The following CCSER1 variants were observed in gnomAD, a reference collection of about 807,000 sequenced individuals.
The protein encoded by CCSER1 is coiled-coil serine rich protein 1, also known as serine-rich coiled-coil domain-containing protein 1.
Under a neutral mutation model 82.0 loss-of-function variants are expected in CCSER1, and 41 were observed. That is an observed-to-expected ratio of 0.50 (90% CI 0.39 to 0.65). CCSER1 has a LOEUF of 0.65. Ranked by LOEUF, CCSER1 falls within the 30% of genes least tolerant of loss-of-function variation. The pLI is 0.00. For missense variants in CCSER1, 1,119 were observed against 1,064.2 expected (o/e 1.05, Z -0.72); for synonymous variants, 414 against 383.9 (o/e 1.08, Z -0.92).
intron 7 of CCSER1, among the ~76,000 whole-genome samples, chr4:90,726,825 C>A (rs1743724524): frequency 6.6e-6 from 1 of 151,500 alleles, no homozygotes. Context: ...AATCTGGAAA[C>A]TTTGTGGATC....
intron 7 of CCSER1, among the ~76,000 whole-genome samples, chr4:90,750,196 T>G (rs929851816): frequency 6.6e-6 from 1 of 152,040 alleles, no homozygotes; most frequent in African/African-American, 2.4e-5. Flanking sequence ...ATATTAGCCC[T>G]TTGTCAGATG....
intron 10 of CCSER1, among the ~76,000 whole-genome samples, chr4:91,300,883 A>G (rs1485684955): frequency 1.3e-5 from 2 of 151,916 alleles, no homozygotes; most frequent in African/African-American, 4.8e-5. Context: ...TTTCAGATAC[A>G]TTCCAGAAGT....
intron 1 of CCSER1, among the ~76,000 whole-genome samples, chr4:90,222,973 A>ATG (rs984680181): frequency 2.0e-5 from 3 of 152,066 alleles, no homozygotes; most frequent in African/African-American, 4.8e-5. Flanking sequence ...GTATGTATAT[A>ATG]TGTGTGTGTG....
At chr4:90,410,323 T>C (rs147676841) in intron 4 of CCSER1, among the ~76,000 whole-genome samples, 3,654 of 152,212 alleles carry the variant, frequency 0.024, 128 homozygotes, top group African/African-American at 0.082. Flanking sequence ...ATCAACAGAA[T>C]ATACATTCTT....
intron 9 of CCSER1, among the ~76,000 whole-genome samples, chr4:90,948,204 C>A (rs1322371496): frequency 6.6e-6 from 1 of 151,762 alleles, no homozygotes; most frequent in African/African-American, 2.4e-5. Context: ...CATTGTACAA[C>A]AATAGTTAGG....
At chr4:91,460,571 A>T (rs1756448100) in intron 10 of CCSER1, among the ~76,000 whole-genome samples, 1 of 152,162 alleles carries the variant, frequency 6.6e-6, no homozygotes, top group Non-Finnish European at 1.5e-5. Context: ...GATGGTGATG[A>T]TGATGATAAT....
At chr4:90,339,037 G>T (rs1183399517) in intron 3 of CCSER1, among the ~76,000 whole-genome samples, 1 of 152,050 alleles carries the variant, frequency 6.6e-6, no homozygotes, top group Non-Finnish European at 1.5e-5. Flanking sequence ...AAGGTTTGTT[G>T]TAGTTTTCAT....
At chr4:91,189,266 C>A (rs995042358) in intron 10 of CCSER1, among the ~76,000 whole-genome samples, 1 of 151,998 alleles carries the variant, frequency 6.6e-6, no homozygotes, top group Non-Finnish European at 1.5e-5. Context: ...GTTACCTTTT[C>A]TTTATTTGAT....
At position 91,548,092 on chromosome 4, in the gene CCSER1, T is replaced by G. The variant is rs189651436; in HGVS notation, c.2218-50480T>G. Among the ~76,000 whole-genome samples, 4 of 152,224 alleles carry G rather than the reference T, an allele frequency of 2.6e-5. No individual in the cohort carries two copies. The East Asian group carries it at 7.7e-4, about 29-fold the overall frequency. ...GCGTGAGCCACTGCGCCTGGCCCTT[T>G]TATGGTTTTGAGTGTTATATATTGC... On this transcript the variant is annotated intron_variant, in intron 10 of 10. Coordinates refer to ENST00000509176, the MANE Select transcript of CCSER1 (RefSeq NM_001145065.2).
intron 5 of CCSER1, among the ~76,000 whole-genome samples, chr4:90,506,847 C>T (rs182815316): frequency 1.6e-3 from 242 of 151,986 alleles, no homozygotes; most frequent in African/African-American, 5.6e-3. Context: ...AGGTTCTATG[C>T]TACATTCTAT....
intron 8 of CCSER1, among the ~76,000 whole-genome samples, chr4:90,915,912 C>T (rs1727309046): frequency 6.6e-6 from 1 of 152,028 alleles, no homozygotes; most frequent in Admixed American, 6.6e-5. Flanking sequence ...CTCCCATTCA[C>T]AATTGCTTCA....
chr4:90,275,860 G>A (rs533703750), intron 1 of CCSER1, among the ~76,000 whole-genome samples: 12 of 152,190 alleles, frequency 7.9e-5, no homozygotes, highest in African/African-American at 2.2e-4. Flanking sequence ...TAAGGTTAAC[G>A]AAATTCAGCA....
intron 7 of CCSER1, among the ~76,000 whole-genome samples, chr4:90,807,866 C>T (rs540840187): frequency 6.6e-5 from 10 of 151,966 alleles, no homozygotes; most frequent in African/African-American, 9.7e-5. Context: ...AATACCCCAA[C>T]GTCATTTTTT....
intron 10 of CCSER1, among the ~76,000 whole-genome samples, chr4:91,397,232 G>C (rs898778062): frequency 6.6e-6 from 1 of 151,948 alleles, no homozygotes; most frequent in Non-Finnish European, 1.5e-5. Flanking sequence ...TATCAATTCT[G>C]TGCCAGTTAC....
At chr4:91,487,889 G>A (rs1023752224) in intron 10 of CCSER1, among the ~76,000 whole-genome samples, 2 of 151,780 alleles carry the variant, frequency 1.3e-5, no homozygotes, top group Non-Finnish European at 2.9e-5. Flanking sequence ...GATATGCACA[G>A]ATATGACATG....
At chr4:90,553,101 C>T (rs942519941) in intron 5 of CCSER1, among the ~76,000 whole-genome samples, 1 of 152,000 alleles carries the variant, frequency 6.6e-6, no homozygotes, top group Non-Finnish European at 1.5e-5. Flanking sequence ...CTGCCAGTAG[C>T]TGAGACTACA....
intron 10 of CCSER1, among the ~76,000 whole-genome samples, chr4:91,186,596 C>T (rs545919676): frequency 3.3e-4 from 51 of 152,280 alleles, no homozygotes; most frequent in South Asian, 1.2e-3. Flanking sequence ...TATAGAGGTG[C>T]GCAGTGGGAA....
chr4:90,236,075 T>A (rs922256476), intron 1 of CCSER1, among the ~76,000 whole-genome samples: 2 of 152,086 alleles, frequency 1.3e-5, no homozygotes, highest in African/African-American at 2.4e-5. Context: ...CCCAAGTAGC[T>A]GGGACTTCAG....
At chr4:90,745,678 C>CTTTTT (rs537380046) in intron 7 of CCSER1, among the ~76,000 whole-genome samples, 30 of 72,246 alleles carry the variant, frequency 4.2e-4, no homozygotes, top group Non-Finnish European at 5.4e-4. Context: ...TTTCTTTTAT[C>CTTTTT]TTTTTTTTTT....
Sources: allele counts gnomAD v4.1 joint callset (sites outside exome capture counted in the v4.1 genomes callset), GRCh38; gene constraint gnomAD v4.1.1; transcripts MANE v1.5; gene names NCBI Gene and HGNC (gene_info 2026-07-23, HGNC 2026-07-21).